Variants in SH3RF1 observed in about 807,000 individuals in gnomAD.
The protein encoded by SH3RF1 is SH3 domain containing ring finger 1.
In SH3RF1, 32 loss-of-function variants were observed where a neutral mutation model predicts 74.0. The observed-to-expected ratio is 0.43, with a 90% confidence interval of 0.33 to 0.58. SH3RF1 has a LOEUF of 0.58. SH3RF1 is among the 20% of genes least tolerant of loss of function. The probability of loss-of-function intolerance (pLI) is 0.05; values close to 1 mark genes in which losing one functional copy is unlikely to be tolerated. For missense variants in SH3RF1, 954 were observed against 1,130.9 expected (o/e 0.84, Z 2.24); for synonymous variants, 396 against 439.6 (o/e 0.90, Z 1.24).
At chr4:169,251,737 A>G (rs1731108940) in intron 2 of SH3RF1, among the ~76,000 whole-genome samples, 1 of 152,222 alleles carries the variant, frequency 6.6e-6, no homozygotes, top group South Asian at 2.1e-4. Flanking sequence ...CATCAGTGAC[A>G]TGGAACAAAG....
chr4:169,223,951 A>C (rs1054444862), intron 2 of SH3RF1, among the ~76,000 whole-genome samples: 1 of 152,212 alleles, frequency 6.6e-6, no homozygotes, highest in Admixed American at 6.5e-5. Flanking sequence ...AAATACGTGA[A>C]TCAAAGAGGT....
intron 2 of SH3RF1, among the ~76,000 whole-genome samples, chr4:169,197,093 C>T (rs1734826042): frequency 6.6e-6 from 1 of 152,032 alleles, no homozygotes; most frequent in Non-Finnish European, 1.5e-5. Context: ...ACAACTTCCA[C>T]CTCCTGGGTT....
intron 4 of SH3RF1, among the ~76,000 whole-genome samples, chr4:169,140,314 A>T (rs35108213): frequency 0.097 from 14,772 of 152,224 alleles, 920 homozygotes; most frequent in South Asian, 0.17. Flanking sequence ...CAGTAGTGTG[A>T]GCTTTCTGTG....
intron 2 of SH3RF1, among the ~76,000 whole-genome samples, chr4:169,240,330 G>A (rs1447833532): frequency 6.6e-6 from 1 of 151,830 alleles, no homozygotes; most frequent in African/African-American, 2.4e-5. Context: ...TGAGGTAGCT[G>A]GGACCACAGG....
At chr4:169,146,327 T>G (rs1733893833) in intron 4 of SH3RF1, among the ~76,000 whole-genome samples, 3 of 150,752 alleles carry the variant, frequency 2.0e-5, no homozygotes, top group Admixed American at 1.3e-4. Context: ...CCTCCTGGGT[T>G]CAAGCAATTC....
chr4:169,215,310 G>A (rs921428561), intron 2 of SH3RF1, among the ~76,000 whole-genome samples: 6 of 152,076 alleles, frequency 3.9e-5, no homozygotes, highest in African/African-American at 1.4e-4. Context: ...ATTCCATTTG[G>A]TCATTGTGTA....
chr4:169,170,629 G>A (rs1321306185), intron 2 of SH3RF1, among the ~76,000 whole-genome samples: 1 of 152,106 alleles, frequency 6.6e-6, no homozygotes, highest in East Asian at 1.9e-4. Context: ...TTCATATCCT[G>A]GGGGCGCAAC....
chr4:169,218,140 T>C (rs115968771), intron 2 of SH3RF1, among the ~76,000 whole-genome samples: 2,608 of 147,640 alleles, frequency 0.018, 73 homozygotes, highest in African/African-American at 0.061. Flanking sequence ...ATATATATTA[T>C]TATATATTGA....
rs763485182 is a variant in SH3RF1, at chr4:169,116,463, T to C, written c.1945A>G (p.Ile649Val). The change falls in exon 10 of 12, where the codon ATC becomes GTC. Residue 649 changes from isoleucine (I) to valine (V), a missense_variant. Physicochemically the swap from Ile to Val is conservative, Grantham distance 29. Around this residue, in one of 3 missense-constraint regions of SH3RF1, gnomAD observed 854 missense variants for 962.5 expected, o/e 0.89. Coordinates refer to ENST00000284637, the MANE Select transcript of SH3RF1 (RefSeq NM_020870.4). The stretch of plus-strand genomic sequence containing the variant: ...GCCAGAGGGGCACTGGCTCGACTGA[T>C]ACTGATGGCAGCAGTGTGCGTGGCT... The part of the protein sequence containing the change: ...GSATHTAAIS[I>V]SRASAPLACA... 1.7e-5 allele frequency: 28 copies of C among 1,613,990 alleles called. No individual in the cohort carries two copies. In the East Asian group the frequency reaches 6.2e-4, roughly 36 times the overall value.
chr4:169,115,747 A>G (rs1733322112), intron 10 of SH3RF1, among the ~76,000 whole-genome samples: 1 of 152,228 alleles, frequency 6.6e-6, no homozygotes, highest in African/African-American at 2.4e-5. Flanking sequence ...AAACTGGTCC[A>G]TGGTGCCCAG....
intron 11 of SH3RF1, among the ~76,000 whole-genome samples, chr4:169,100,665 A>T (rs1188944469): frequency 6.6e-6 from 1 of 152,024 alleles, no homozygotes; most frequent in Admixed American, 6.6e-5. Context: ...TTAAGTGGCA[A>T]CTCTATTTGC....
chr4:169,146,115 C>CTATATAAAATAT (rs1214551629), intron 4 of SH3RF1, among the ~76,000 whole-genome samples: 1 of 118,646 alleles, frequency 8.4e-6, no homozygotes, highest in African/African-American at 3.8e-5. Flanking sequence ...GTTATATATT[C>CTATATAAAATAT]TATATATTCT....
chr4:169,135,376 G>A (rs2126953828), intron 5 of SH3RF1, among the ~76,000 whole-genome samples: 1 of 152,192 alleles, frequency 6.6e-6, no homozygotes, highest in East Asian at 1.9e-4. Flanking sequence ...AACCACCATA[G>A]CTATATGGTG....
chr4:169,197,071 T>C (rs1734825643), intron 2 of SH3RF1, among the ~76,000 whole-genome samples: 3 of 152,098 alleles, frequency 2.0e-5, no homozygotes, highest in Admixed American at 6.5e-5. Flanking sequence ...AGTGGCACTA[T>C]CTCAGCTCAC....
chr4:169,206,612 C>T (rs1579137665), intron 2 of SH3RF1, among the ~76,000 whole-genome samples: 4 of 152,314 alleles, frequency 2.6e-5, no homozygotes, highest in East Asian at 1.9e-4. Flanking sequence ...TTATTATGTG[C>T]AGTGTTCATC....
At chr4:169,124,831 T>C (rs1733498479) in intron 6 of SH3RF1, among the ~76,000 whole-genome samples, 1 of 152,186 alleles carries the variant, frequency 6.6e-6, no homozygotes, top group Non-Finnish European at 1.5e-5. Flanking sequence ...ATCCACTGTG[T>C]ATTGTGCTTC....
chr4:169,226,860 T>C (rs1394069382), intron 2 of SH3RF1, among the ~76,000 whole-genome samples: 2 of 152,162 alleles, frequency 1.3e-5, no homozygotes, highest in Middle Eastern at 3.2e-3. Flanking sequence ...CTCAGTCACC[T>C]AACTGCTTTT....
chr4:169,205,495 GCAGGCCAATTTC>G, intron 2 of SH3RF1, among the ~76,000 whole-genome samples: 1 of 152,226 alleles, frequency 6.6e-6, no homozygotes, highest in Non-Finnish European at 1.5e-5. Context: ...ACCAAAAACT[GCAGGCCAATTTC>G]CAGGCATGTC....
intron 2 of SH3RF1, among the ~76,000 whole-genome samples, chr4:169,227,179 A>G (rs936794295): frequency 6.6e-6 from 1 of 152,182 alleles, no homozygotes; most frequent in African/African-American, 2.4e-5. Context: ...AAAAAAACAC[A>G]TAAGAAAGAA....
Sources: gnomAD v4.1 joint callset for allele counts (sites outside exome capture counted in the v4.1 genomes callset) on GRCh38, gnomAD v4.1.1 for gene constraint, gnomAD v4.1.1 regional missense constraint, MANE v1.5 for transcripts, NCBI Gene and HGNC (gene_info 2026-07-23, HGNC 2026-07-21) for gene names.